CNGB3: variants seen among roughly 807,000 people sequenced by gnomAD.
CNGB3 encodes the protein cyclic nucleotide-gated channel beta-3.
CNGB3 carries 86 observed loss-of-function variants against 92.8 expected under a neutral mutation model. That is an observed-to-expected ratio of 0.93 (90% CI 0.78 to 1.11). The LOEUF is 1.11. CNGB3 is among the 50% of genes least tolerant of loss of function. The pLI is 0.00. For missense variants in CNGB3, 1,026 were observed against 956.8 expected (o/e 1.07, Z -0.95); for synonymous variants, 333 against 332.7 (o/e 1.00, Z -0.01).
chr8:86,680,742 C>T (rs13275765), intron 3 of CNGB3, among the ~76,000 whole-genome samples: 29,080 of 151,846 alleles, frequency 0.19, 3,502 homozygotes, highest in East Asian at 0.41. Context: ...AGAAAGAATA[C>T]GGTCAAGTGA....
intron 15 of CNGB3, among the ~76,000 whole-genome samples, chr8:86,595,284 A>G (rs1822145988): frequency 2.0e-5 from 3 of 152,228 alleles, no homozygotes; most frequent in Admixed American, 2.0e-4. Context: ...CTGGTGTGAT[A>G]AGACATGTCA....
At chr8:86,663,606 G>A (rs1823686554) in intron 6 of CNGB3, among the ~76,000 whole-genome samples, 1 of 152,146 alleles carries the variant, frequency 6.6e-6, no homozygotes. Flanking sequence ...CCTAGCAACT[G>A]TAAGTATTTA....
rs146062161 is a variant in CNGB3, at chr8:86,626,027, T to C, written c.1534A>G (p.Ile512Val). 1,825 of 1,613,898 alleles carry C rather than the reference T, an allele frequency of 1.1e-3. 1 individual carries two copies. Among genetic ancestry groups the C allele is most frequent in the Non-Finnish European group, 1.4e-3 (1,695 of 1,179,896 alleles). The change falls in exon 13 of 18, where the codon ATT becomes GTT. Residue 512 changes from isoleucine (I) to valine (V), a missense_variant. Physicochemically the swap from Ile to Val is conservative, Grantham distance 29. Coordinates refer to ENST00000320005, the MANE Select transcript of CNGB3 (RefSeq NM_019098.5). Reference sequence around the variant, plus strand: ...CTGATGATGCTGAAGTTCACATCAATGGCGAGGGCTAACTGGACCGTAGTT... The same window carrying C: ...CTGATGATGCTGAAGTTCACATCAACGGCGAGGGCTAACTGGACCGTAGTT... ...LPTTVQLALA[I>V]DVNFSIISKV... is the part of the protein sequence containing the mutation.
chr8:86,676,753 T>C (rs191772434), intron 3 of CNGB3, among the ~76,000 whole-genome samples: 3 of 152,310 alleles, frequency 2.0e-5, no homozygotes, highest in Admixed American at 6.5e-5. Flanking sequence ...TTTATAGATT[T>C]AACTATTTAA....
intron 7 of CNGB3, among the ~76,000 whole-genome samples, chr8:86,648,553 G>A (rs1324823565): frequency 6.6e-6 from 1 of 151,204 alleles, no homozygotes; most frequent in Non-Finnish European, 1.5e-5. Context: ...AAATTGTCAT[G>A]TATTAAAATT....
chr8:86,615,720 T>A (rs1392261147), intron 13 of CNGB3, among the ~76,000 whole-genome samples: 2 of 152,132 alleles, frequency 1.3e-5, no homozygotes, highest in Admixed American at 1.3e-4. Flanking sequence ...ATATTCAGTA[T>A]GATTCCACCT....
Position 86,601,740 on chromosome 8 carries a change from C to T in CNGB3, c.1781+2353G>A, listed in dbSNP as rs529668345. Among the ~76,000 whole-genome samples the T allele has an allele frequency of 4.6e-5, 7 of 152,236 alleles. No homozygotes were observed. In the South Asian group the frequency reaches 1.2e-3, roughly 27 times the overall value. On this transcript the variant is annotated intron_variant, in intron 15 of 17. Transcript: ENST00000320005. ...GTGGGCCTGTGAAGCCTGTGGGTAT[C>T]TGGAAAGAGGCAGATGCATCCTGTT...
rs1387508434 is a variant in CNGB3, at chr8:86,740,389, C to G, written c.130-653G>C. Among the ~76,000 whole-genome samples, 3 of 152,168 alleles carry G rather than the reference C, an allele frequency of 2.0e-5. No individual in the cohort carries two copies. In the East Asian group the frequency reaches 5.8e-4, roughly 29 times the overall value. The stretch of plus-strand genomic sequence containing the variant: ...GGGCATAAACAGGAAGTGGTCAATT[C>G]TACTGGAGTAGAAGGGAAAGAAAGG... On this transcript the variant is annotated intron_variant, in intron 1 of 17. Coordinates refer to ENST00000320005, the MANE Select transcript of CNGB3 (RefSeq NM_019098.5).
intron 7 of CNGB3, among the ~76,000 whole-genome samples, chr8:86,649,943 C>A (rs1309526299): frequency 6.6e-6 from 1 of 151,392 alleles, no homozygotes; most frequent in East Asian, 1.9e-4. Context: ...TCAAACAAAT[C>A]AGCAAGAAAA....
At chr8:86,578,952 T>G (rs1349635000) in intron 16 of CNGB3, 89 bp from the exon 17 acceptor site, 2 of 1,569,904 alleles carry the variant, frequency 1.3e-6, no homozygotes, top group African/African-American at 2.7e-5. Flanking sequence ...TCCTAACCTG[T>G]GTAGTTTCAA....
chr8:86,673,233 C>T (rs960072395), intron 3 of CNGB3, among the ~76,000 whole-genome samples: 1 of 152,194 alleles, frequency 6.6e-6, no homozygotes, highest in African/African-American at 2.4e-5. Flanking sequence ...TTGCTCCACA[C>T]TGAATTTAGC....
chr8:86,684,258 T>A (rs537169384), intron 3 of CNGB3, among the ~76,000 whole-genome samples: 2 of 152,274 alleles, frequency 1.3e-5, no homozygotes, highest in African/African-American at 4.8e-5. Flanking sequence ...TCTCGCATCA[T>A]TAGCTATTGG....
chr8:86,660,721 A>G (rs1288558383), intron 6 of CNGB3: 1 of 528,594 alleles, frequency 1.9e-6, no homozygotes, highest in South Asian at 1.4e-5. Context: ...GTGCTCCCCC[A>G]TCCAATACAT....
intron 10 of CNGB3, among the ~76,000 whole-genome samples, chr8:86,640,456 A>G (rs1823159315): frequency 6.6e-6 from 1 of 151,998 alleles, no homozygotes; most frequent in East Asian, 1.9e-4. Flanking sequence ...TAAATCCCCA[A>G]ACTAGCCAGT....
chr8:86,628,946 A>T lies in CNGB3; in HGVS notation c.1453T>A (p.Tyr485Asn), dbSNP rs748516981. 2 of 1,613,916 alleles carry T rather than the reference A, an allele frequency of 1.2e-6. No homozygotes were observed. Among genetic ancestry groups the T allele is most frequent in the East Asian group, 4.5e-5 (2 of 44,872 alleles). The change falls in exon 12 of 18, where the codon TAT (tyrosine) becomes AAT (asparagine). Residue 485 changes from tyrosine to asparagine, a missense_variant. Coordinates refer to ENST00000320005, the MANE Select transcript of CNGB3 (RefSeq NM_019098.5). ...AGCATTCTTTGAGAGTCCCATGTAT[A>T]TTCATACCAAGTCCGAACTCGCTTT... The part of the protein sequence containing the change: ...VQKRVRTWYE[Y>N]TWDSQRMLDE...
intron 10 of CNGB3, among the ~76,000 whole-genome samples, chr8:86,633,899 G>C (rs1452761852): frequency 6.6e-6 from 1 of 152,138 alleles, no homozygotes; most frequent in East Asian, 1.9e-4. Context: ...AGAGACAGAG[G>C]AGAGCTGAGC....
intron 6 of CNGB3, among the ~76,000 whole-genome samples, chr8:86,665,339 C>T (rs4960987): frequency 0.54 from 82,383 of 152,024 alleles, 22,429 homozygotes; most frequent in Middle Eastern, 0.69. Context: ...TTAGTTCAGC[C>T]ACTGTGGAAA....
chr8:86,710,192 CAACTT>C (rs2131657799), intron 3 of CNGB3, among the ~76,000 whole-genome samples: 1 of 152,314 alleles, frequency 6.6e-6, no homozygotes, highest in African/African-American at 2.4e-5. Flanking sequence ...GTGGTTTTCT[CAACTT>C]ATCTACATAG....
At chr8:86,578,308 T>C (rs1182929650) in intron 17 of CNGB3, among the ~76,000 whole-genome samples, 1 of 152,124 alleles carries the variant, frequency 6.6e-6, no homozygotes, top group Non-Finnish European at 1.5e-5. Flanking sequence ...ACTTAAATTT[T>C]TTGCCACCCT....
Sources: allele counts gnomAD v4.1 joint callset (sites outside exome capture counted in the v4.1 genomes callset), GRCh38; gene constraint gnomAD v4.1.1; transcripts MANE v1.5; gene names NCBI Gene and HGNC (gene_info 2026-07-23, HGNC 2026-07-21).